Variants in NR1H4 observed in about 807,000 individuals in gnomAD.
NR1H4 encodes bile acid receptor.
A neutral mutation model predicts 58.5 loss-of-function variants in NR1H4; 23 were observed. The observed-to-expected ratio is 0.39, with a 90% CI of 0.28 to 0.56. The LOEUF (loss-of-function observed/expected upper bound fraction) is 0.56, where lower values mean the gene tolerates loss of function less well. Ranked by LOEUF, NR1H4 falls within the 20% of genes least tolerant of loss-of-function variation. NR1H4 has a pLI of 0.58. For missense variants in NR1H4, 487 were observed against 576.9 expected (o/e 0.84, Z 1.60); for synonymous variants, 214 against 198.0 (o/e 1.08, Z -0.68).
intron 9 of NR1H4, among the ~76,000 whole-genome samples, chr12:100,547,029 T>A (rs1955087137): frequency 6.6e-6 from 1 of 152,150 alleles, no homozygotes; most frequent in African/African-American, 2.4e-5. Flanking sequence ...GTACTTTCCA[T>A]GTATCCCTTT....
chr12:100,496,679 G>A (rs1020083291), intron 3 of NR1H4, among the ~76,000 whole-genome samples: 3 of 152,110 alleles, frequency 2.0e-5, no homozygotes, highest in Non-Finnish European at 2.9e-5. Flanking sequence ...TGACTTAATG[G>A]TACTCACTTG....
intron 3 of NR1H4, 59 bp from the exon 4 acceptor site, chr12:100,510,719 G>A: frequency 6.2e-7 from 1 of 1,602,542 alleles, no homozygotes; most frequent in Non-Finnish European, 8.5e-7. Flanking sequence ...ACGCCAAACT[G>A]CCTCTCTAAT....
chr12:100,486,068 A>G (rs1441874831), intron 1 of NR1H4, among the ~76,000 whole-genome samples: 1 of 152,082 alleles, frequency 6.6e-6, no homozygotes, highest in African/African-American at 2.4e-5. Context: ...GCTTTACGGC[A>G]ACCCTATTAT....
At chr12:100,532,719 G>A (rs1954724737) in intron 5 of NR1H4, 109 bp downstream of exon 5, 4 of 988,272 alleles carry the variant, frequency 4.0e-6, no homozygotes, top group Admixed American at 2.1e-5. Context: ...AACCTACTAA[G>A]CCATCTAAGT....
At chr12:100,536,341 A>G (rs561546974) in intron 6 of NR1H4, among the ~76,000 whole-genome samples, 171 bp from the exon 7 acceptor site, 1 of 152,198 alleles carries the variant, frequency 6.6e-6, no homozygotes, top group South Asian at 2.1e-4. Context: ...GGCCTGCCTG[A>G]GGACCCAGAG....
chr12:100,517,929 T>G (rs566343154), intron 4 of NR1H4, among the ~76,000 whole-genome samples: 1 of 152,354 alleles, frequency 6.6e-6, no homozygotes, highest in African/African-American at 2.4e-5. Flanking sequence ...CTATGATGCC[T>G]TTTATTGGTT....
intron 4 of NR1H4, among the ~76,000 whole-genome samples, chr12:100,517,084 A>G (rs1367221946): frequency 2.0e-5 from 3 of 152,184 alleles, no homozygotes; most frequent in African/African-American, 7.2e-5. Flanking sequence ...ACAGTACATT[A>G]TTATTAACTC....
At chr12:100,542,188 A>C (rs1020325008) in intron 9 of NR1H4, among the ~76,000 whole-genome samples, 1 of 152,070 alleles carries the variant, frequency 6.6e-6, no homozygotes, top group East Asian at 1.9e-4. Context: ...TCTACTAAAA[A>C]TACAAAAAAT....
At chr12:100,493,208 C>T in intron 2 of NR1H4, 62 bp from the exon 3 acceptor site, 1 of 699,078 alleles carries the variant, frequency 1.4e-6, no homozygotes, top group Non-Finnish European at 2.6e-6. Flanking sequence ...TCTCCTTCCC[C>T]AGCTCTCCTA....
chr12:100,558,496 C>T (rs1955387828), intron 9 of NR1H4, among the ~76,000 whole-genome samples: 1 of 152,134 alleles, frequency 6.6e-6, no homozygotes, highest in Non-Finnish European at 1.5e-5. Flanking sequence ...TAGCTGGGAC[C>T]ACAGGCATGT....
Position 100,542,302 on chromosome 12 carries a change from G to A in NR1H4, c.1078+1484G>A, listed in dbSNP as rs111579715. On this transcript the variant is annotated intron_variant, in intron 9 of 10. Coordinates refer to ENST00000392986, the MANE Select transcript of NR1H4 (RefSeq NM_001206979.2). ...ATGGAGGTTGCAGTGAGTCAAGATCGTGCCACCACACTCCAGCCTGGGCAA... is the reference window on the plus strand; with the variant it reads ...ATGGAGGTTGCAGTGAGTCAAGATCATGCCACCACACTCCAGCCTGGGCAA... 0.013 allele frequency among the ~76,000 whole-genome samples: 1,982 copies of A among 152,078 alleles called. 109 individuals carry two copies. In the East Asian group the frequency reaches 0.14, roughly 11 times the overall value.
intron 4 of NR1H4, chr12:100,525,137 C>T (rs1004810322): frequency 2.6e-5 from 4 of 152,240 alleles, no homozygotes; most frequent in African/African-American, 9.6e-5. Flanking sequence ...TTCCACTGTA[C>T]TGAGTTCTCT....
intron 4 of NR1H4, among the ~76,000 whole-genome samples, chr12:100,523,771 C>A (rs1204462770): frequency 1.3e-5 from 2 of 152,154 alleles, no homozygotes; most frequent in Non-Finnish European, 2.9e-5. Flanking sequence ...TAACCCAATT[C>A]TTTATTCAGC....
intron 4 of NR1H4, among the ~76,000 whole-genome samples, chr12:100,527,648 C>T (rs532749865): frequency 5.9e-5 from 9 of 152,334 alleles, no homozygotes; most frequent in African/African-American, 2.2e-4. Flanking sequence ...ACTCAGTCTC[C>T]TCTTTGGTAA....
intron 1 of NR1H4, among the ~76,000 whole-genome samples, chr12:100,474,772 T>C (rs1953231819): frequency 6.6e-6 from 1 of 152,166 alleles, no homozygotes; most frequent in Non-Finnish European, 1.5e-5. Context: ...CTTCTTTTAA[T>C]TGGGTTTTTA....
At position 100,498,612 on chromosome 12, in the gene NR1H4, C is replaced by CA. The variant is rs549604892; in HGVS notation, c.79+5220dup. Among the ~76,000 whole-genome samples the CA allele has an allele frequency of 2.0e-3, 267 of 136,694 alleles. 4 individuals carry two copies. In the East Asian group the frequency reaches 0.024, roughly 12 times the overall value. 89.7% of individuals were successfully genotyped at this position (136,694 alleles called of 152,430 possible). A position where few individuals can be genotyped will look rare whatever the true frequency, so the allele number is the denominator to read the frequency against. ...GGGCGACAGAGTGAGCCTCAGTCTC[C>CA]AAAAAAAAAACCAAACAAACAAAAC... On this transcript the variant is annotated intron_variant, in intron 3 of 10. Transcript: ENST00000392986.
At chr12:100,542,815 A>G (rs1954968702) in intron 9 of NR1H4, among the ~76,000 whole-genome samples, 1 of 152,204 alleles carries the variant, frequency 6.6e-6, no homozygotes, top group Non-Finnish European at 1.5e-5. Context: ...AAGCATAATT[A>G]GCATCATTGG....
rs374209573 is a variant in NR1H4 at position 100,545,144 on chromosome 12, G to A, written c.1078+4326G>A. Among the ~76,000 whole-genome samples, 11 of 151,982 alleles carry A rather than the reference G, an allele frequency of 7.2e-5. No individual in the cohort carries two copies. In the East Asian group the frequency reaches 1.6e-3, roughly 21 times the overall value. On this transcript the variant is annotated intron_variant, in intron 9 of 10. Coordinates refer to ENST00000392986, the MANE Select transcript of NR1H4 (RefSeq NM_001206979.2). Reference sequence around the variant, plus strand: ...CAGCTTCCTTTAAAAAAAAATCTTTGCCTGGCTCCATCAGATCTCCTGGGT... The same window carrying A: ...CAGCTTCCTTTAAAAAAAAATCTTTACCTGGCTCCATCAGATCTCCTGGGT...
At chr12:100,499,357 A>G (rs1219833413) in intron 3 of NR1H4, among the ~76,000 whole-genome samples, 3 of 152,218 alleles carry the variant, frequency 2.0e-5, no homozygotes, top group African/African-American at 7.2e-5. Flanking sequence ...GTTTCAGCAT[A>G]CTTGAAATAT....
Sources: gnomAD v4.1 joint callset for allele counts (sites outside exome capture counted in the v4.1 genomes callset) on GRCh38, gnomAD v4.1.1 for gene constraint, MANE v1.5 for transcripts, NCBI Gene and HGNC (gene_info 2026-07-23, HGNC 2026-07-21) for gene names.